LOC128092252: variants seen among roughly 807,000 people sequenced by gnomAD.
the LOC128092252 span, among the ~76,000 whole-genome samples, chr15:50,671,726 T>C: frequency 2.0e-5 from 3 of 152,032 alleles, no homozygotes; most frequent in Non-Finnish European, 4.4e-5. Flanking sequence ...GGGAGGATCA[T>C]TTGAGCCCAG....
At chr15:50,666,011 A>G in the LOC128092252 span, among the ~76,000 whole-genome samples, 1 of 152,126 alleles carries the variant, frequency 6.6e-6, no homozygotes, top group Non-Finnish European at 1.5e-5. Context: ...ATAATTTAAA[A>G]AAAAGGCTGA....
chr15:50,679,578 C>A, the LOC128092252 span, among the ~76,000 whole-genome samples: 1 of 129,538 alleles, frequency 7.7e-6, no homozygotes, highest in East Asian at 2.1e-4. Context: ...TTTTGTCACC[C>A]AGGCTGGGGT....
chr15:50,664,330 T>C, the LOC128092252 span, among the ~76,000 whole-genome samples: 25 of 128,268 alleles, frequency 1.9e-4, no homozygotes, highest in African/African-American at 7.2e-4. Flanking sequence ...AAAAAAAAAG[T>C]GATAGATTGA....
the LOC128092252 span, among the ~76,000 whole-genome samples, chr15:50,674,066 G>A: frequency 1.3e-5 from 2 of 152,132 alleles, no homozygotes; most frequent in Admixed American, 1.3e-4. Flanking sequence ...TCGGCTCACT[G>A]CAACCTCCAC....
At chr15:50,665,681 G>T in the LOC128092252 span, among the ~76,000 whole-genome samples, 1 of 152,072 alleles carries the variant, frequency 6.6e-6, no homozygotes, top group South Asian at 2.1e-4. Flanking sequence ...AAATGTATAG[G>T]CTTAAGTGAT....
chr15:50,668,094 A>G, the LOC128092252 span, among the ~76,000 whole-genome samples: 2 of 152,238 alleles, frequency 1.3e-5, no homozygotes, highest in East Asian at 3.8e-4. Flanking sequence ...TCATCAACAT[A>G]CAACTGTTGT....
chr15:50,670,053 G>C, the LOC128092252 span, among the ~76,000 whole-genome samples: 1 of 152,142 alleles, frequency 6.6e-6, no homozygotes, highest in African/African-American at 2.4e-5. Context: ...TGTTTTGTCA[G>C]AACTCTGAGT....
At chr15:50,663,502 C>T in the LOC128092252 span, among the ~76,000 whole-genome samples, 1 of 152,104 alleles carries the variant, frequency 6.6e-6, no homozygotes. Flanking sequence ...CACCCCAAAA[C>T]GTCAGAATAA....
chr15:50,678,553 C>T, the LOC128092252 span, among the ~76,000 whole-genome samples: 16,899 of 147,786 alleles, frequency 0.11, 1,125 homozygotes, highest in Middle Eastern at 0.19. Context: ...CACACACACA[C>T]ACATATACAT....
the LOC128092252 span, among the ~76,000 whole-genome samples, chr15:50,665,329 G>T: frequency 1.3e-5 from 2 of 151,370 alleles, no homozygotes; most frequent in Admixed American, 1.3e-4. Context: ...GGGAGGCAGA[G>T]ATTGCAGTGA....
At chr15:50,662,120 C>T in the LOC128092252 span, among the ~76,000 whole-genome samples, 1 of 152,004 alleles carries the variant, frequency 6.6e-6, no homozygotes, top group Non-Finnish European at 1.5e-5. Context: ...TTTGGGAGGC[C>T]AAGGCAGGTG....
the LOC128092252 span, among the ~76,000 whole-genome samples, chr15:50,681,014 A>G: frequency 1.0e-3 from 156 of 152,250 alleles, 8 homozygotes; most frequent in South Asian, 0.031. Flanking sequence ...GCACTTTGGG[A>G]GGCCAAGGCG....
the LOC128092252 span, among the ~76,000 whole-genome samples, chr15:50,666,558 C>T: frequency 6.6e-6 from 1 of 151,812 alleles, no homozygotes; most frequent in Non-Finnish European, 1.5e-5. Context: ...AATCCCAGCA[C>T]TTTGGGAGGC....
At chr15:50,672,025 G>C in the LOC128092252 span, among the ~76,000 whole-genome samples, 1 of 152,128 alleles carries the variant, frequency 6.6e-6, no homozygotes, top group Non-Finnish European at 1.5e-5. Context: ...TTTATGGTTA[G>C]AGTGTACTCC....
At chr15:50,670,066 T>C in the LOC128092252 span, among the ~76,000 whole-genome samples, 3 of 152,204 alleles carry the variant, frequency 2.0e-5, no homozygotes, top group South Asian at 4.1e-4. Context: ...CTCTGAGTTA[T>C]GGATGGCCCT....
At chr15:50,673,470 C>T in the LOC128092252 span, among the ~76,000 whole-genome samples, 1 of 152,056 alleles carries the variant, frequency 6.6e-6, no homozygotes, top group South Asian at 2.1e-4. Context: ...CATTCTTATG[C>T]CTTTGCGTCC....
the LOC128092252 span, among the ~76,000 whole-genome samples, chr15:50,684,517 T>A: frequency 7.2e-5 from 11 of 152,056 alleles, no homozygotes; most frequent in East Asian, 9.7e-4. Flanking sequence ...GGCTCGCACC[T>A]GGAGTCCCAG....
the LOC128092252 span, among the ~76,000 whole-genome samples, chr15:50,679,529 T>TATATGTGTATATATATA: frequency 1.9e-5 from 1 of 51,756 alleles, no homozygotes; most frequent in African/African-American, 7.9e-5. Context: ...TATATATATA[T>TATATGTGTATATATATA]ATATATATAT....
the LOC128092252 span, among the ~76,000 whole-genome samples, chr15:50,650,422 C>T: frequency 3.9e-5 from 6 of 151,906 alleles, no homozygotes; most frequent in Non-Finnish European, 7.4e-5. Flanking sequence ...AGACCAGGCA[C>T]GGTGGCTCAT....
Sources: allele counts gnomAD v4.1 joint callset (sites outside exome capture counted in the v4.1 genomes callset), GRCh38; gene constraint gnomAD v4.1.1; transcripts MANE v1.5.